DGKZ: variants seen among roughly 807,000 people sequenced by gnomAD.
The protein encoded by DGKZ is DAG kinase zeta.
In DGKZ, 45 loss-of-function variants were observed where a neutral mutation model predicts 142.5. That is an observed-to-expected ratio of 0.32 (90% CI 0.25 to 0.40). The LOEUF is 0.40. DGKZ is among the 10% of genes least tolerant of loss of function. The pLI is 1.00. For missense variants in DGKZ, 755 were observed against 1,306.5 expected, an observed-to-expected ratio of 0.58 and a Z score of 6.51; for synonymous variants, 442 against 527.0, an observed-to-expected ratio of 0.84 and a Z score of 2.21.
Position 46,372,371 on chromosome 11 carries a change from T to C in DGKZ, c.928-57T>C, listed in dbSNP as rs1944042317. The C allele has an allele frequency of 8.9e-6, 14 of 1,581,254 alleles. No homozygotes were observed. Among genetic ancestry groups the C allele is most frequent in the Non-Finnish European group, 1.2e-5 (14 of 1,150,674 alleles). ...CACAGTCACACCCCTCTCCCTCTGCTGCTCCCACTTCGTCCCACCACTGCC... is the reference window on the plus strand; with the variant it reads ...CACAGTCACACCCCTCTCCCTCTGCCGCTCCCACTTCGTCCCACCACTGCC... On this transcript the variant is annotated intron_variant, in intron 10 of 30. Transcript: ENST00000527911. The surrounding 1 kb of genome is among the most constrained non-coding windows in gnomAD (Gnocchi z 5.9).
exon 20 of DGKZ, chr11:46,375,566 C>A: frequency 6.3e-7 from 1 of 1,591,324 alleles, no homozygotes; most frequent in African/African-American, 1.3e-5. Flanking sequence ...TCCGCATCGC[C>A]CTGCGCAACC....
intron 1 of DGKZ, among the ~76,000 whole-genome samples, chr11:46,355,330 G>A (rs543857403): frequency 3.3e-5 from 5 of 151,670 alleles, no homozygotes; most frequent in African/African-American, 4.8e-5. Flanking sequence ...GGATGGTCTC[G>A]ATCTCCCGAC....
intron 30 of DGKZ, 40 bp downstream of exon 30, chr11:46,379,608 C>A: frequency 6.5e-7 from 1 of 1,540,700 alleles, no homozygotes; most frequent in Non-Finnish European, 8.8e-7. Context: ...AGGGCACCAA[C>A]CAAACCTTTC....
At chr11:46,359,462 A>G (rs1044673268) in intron 1 of DGKZ, among the ~76,000 whole-genome samples, 4 of 152,166 alleles carry the variant, frequency 2.6e-5, no homozygotes, top group African/African-American at 4.8e-5. Flanking sequence ...AAAATAAAAT[A>G]AAATGTGTCA....
At chr11:46,364,438 T>TCCTG (rs1022709599) in intron 1 of DGKZ, 43 of 1,284,640 alleles carry the variant, frequency 3.3e-5, no homozygotes, top group Non-Finnish European at 4.3e-5. Context: ...ATGCCTGCTG[T>TCCTG]CCTGCCCCTG....
chr11:46,373,268 TTC>T, intron 14 of DGKZ, among the ~76,000 whole-genome samples, 167 bp downstream of exon 14: 1 of 151,758 alleles, frequency 6.6e-6, no homozygotes. Flanking sequence ...ATGCTGTTTT[TTC>T]TGTGTTTTTT....
intron 1 of DGKZ, among the ~76,000 whole-genome samples, chr11:46,337,534 G>A (rs1391428047): frequency 6.6e-6 from 1 of 152,000 alleles, no homozygotes; most frequent in African/African-American, 2.4e-5. Context: ...GACCTCAGGT[G>A]ATCCATCCAC....
intron 4 of DGKZ, chr11:46,368,319 C>T (rs1189014808): frequency 1.9e-5 from 11 of 580,374 alleles, no homozygotes; most frequent in Non-Finnish European, 3.2e-5. Context: ...TTGAATATCA[C>T]TCAATGGAAT....
At chr11:46,375,380 C>A (rs1430440311) in intron 19 of DGKZ, 52 bp from the exon 20 acceptor site, 3 of 1,513,396 alleles carry the variant, frequency 2.0e-6, no homozygotes, top group South Asian at 1.2e-5. Context: ...AGTCTGGGAC[C>A]CCCCTGCCCC....
At chr11:46,344,358 T>C (rs888786032), upstream of DGKZ, among the ~76,000 whole-genome samples, 1 of 152,180 alleles carries the variant, frequency 6.6e-6, no homozygotes, top group Non-Finnish European at 1.5e-5. Flanking sequence ...CGGTGCCTGA[T>C]GCACAGAAGG....
chr11:46,378,804 C>T (rs867525468), intron 27 of DGKZ, 187 bp from the exon 28 acceptor site: 7 of 1,030,384 alleles, frequency 6.8e-6, no homozygotes, highest in Non-Finnish European at 1.0e-5. Context: ...AGCCCACAGG[C>T]TGTGGGGTGA....
chr11:46,335,384 G>A (rs925801796), intron 1 of DGKZ, among the ~76,000 whole-genome samples: 3 of 151,666 alleles, frequency 2.0e-5, no homozygotes, highest in African/African-American at 2.4e-5. Flanking sequence ...AAGAATAATT[G>A]AATAATTAAA....
intron 1 of DGKZ, among the ~76,000 whole-genome samples, chr11:46,334,003 G>C (rs958734116): frequency 6.6e-6 from 1 of 152,138 alleles, no homozygotes; most frequent in Non-Finnish European, 1.5e-5. Context: ...GCAGGCCCTG[G>C]CTGGCAACCT....
chr11:46,374,113 T>C (rs1944284187), intron 14 of DGKZ, 44 bp from the exon 15 acceptor site: 4 of 1,600,072 alleles, frequency 2.5e-6, no homozygotes, highest in Non-Finnish European at 3.4e-6. Context: ...GCGGGGACAT[T>C]TGTGAGGCCC....
At chr11:46,341,524 T>G (rs1480348298) in intron 1 of DGKZ, among the ~76,000 whole-genome samples, 3 of 152,144 alleles carry the variant, frequency 2.0e-5, no homozygotes, top group Non-Finnish European at 4.4e-5. Flanking sequence ...AACTTGGAAA[T>G]CAGGAAAGAA....
rs549952617 is a variant in DGKZ, at chr11:46,334,908, CAG to C, written c.212+1425_212+1426del. On this transcript the variant is annotated intron_variant, in intron 1 of 30. Coordinates refer to the DGKZ transcript ENST00000343674. ...ACCTGGTTTCTACTCTCAATTCTGC[CAG>C]AGACTTGTGTGTCCTTGAGCTGGAC... Among the ~76,000 whole-genome samples the C allele has an allele frequency of 7.2e-5, 11 of 152,298 alleles. No homozygotes were observed. The South Asian group carries it at 1.7e-3, about 23-fold the overall frequency.
rs982334528 is a variant in DGKZ, at chr11:46,338,144, C to A, written c.212+4657C>A. On this transcript the variant is annotated intron_variant, in intron 1 of 30. Transcript: ENST00000343674. ...TTCATAGACACTGAACTTAACATTTCATAGAATTTCAGCAACGCAATACCA... is the reference window on the plus strand; with the variant it reads ...TTCATAGACACTGAACTTAACATTTAATAGAATTTCAGCAACGCAATACCA... Among the ~76,000 whole-genome samples, 5 of 152,200 alleles carry A rather than the reference C, an allele frequency of 3.3e-5. No homozygotes were observed. The East Asian group carries it at 9.6e-4, about 29-fold the overall frequency.
intron 1 of DGKZ, chr11:46,365,115 G>A: frequency 1.0e-6 from 1 of 985,418 alleles, no homozygotes; most frequent in Non-Finnish European, 1.2e-6. Flanking sequence ...GCTGGCAGAG[G>A]GAGCAAAGCA....
intron 1 of DGKZ, chr11:46,366,547 C>A: frequency 6.2e-7 from 1 of 1,600,756 alleles, no homozygotes; most frequent in East Asian, 2.3e-5. Flanking sequence ...CACAGCCTAC[C>A]ACCGTGGGGG....
Sources: gnomAD v4.1 joint callset for allele counts (sites outside exome capture counted in the v4.1 genomes callset) on GRCh38, gnomAD v4.1.1 for gene constraint, Gnocchi (gnomAD v3.1) non-coding constraint, MANE v1.5 for transcripts, NCBI Gene and HGNC (gene_info 2026-07-23, HGNC 2026-07-21) for gene names.